Variants in PDZD2 observed in about 807,000 individuals in gnomAD.
The protein encoded by PDZD2 is PDZ domain-containing protein 2.
PDZD2 carries 90 observed loss-of-function variants against 220.7 expected under a neutral mutation model. The ratio of observed to expected loss-of-function variants is 0.41; its 90% CI spans 0.34 to 0.49. The LOEUF (loss-of-function observed/expected upper bound fraction) is 0.49. PDZD2 is among the 20% of genes least tolerant of loss of function. PDZD2 has a pLI of 0.28. For synonymous variants in PDZD2, 1,375 were observed against 1,450.5 expected (o/e 0.95, Z 1.18); for missense variants, 3,174 against 3,608.5 (o/e 0.88, Z 3.08).
rs201133380 is a variant in PDZD2 at position 32,064,250 on chromosome 5, TC to T, written c.2451+3117del. Reference sequence around the variant, plus strand: ...CCAACTCAATTCACTTTTTTTTTTTTCTCTTTTTTGAGACAAAGTCTCTCTC... The same window carrying T: ...CCAACTCAATTCACTTTTTTTTTTTTTCTTTTTTGAGACAAAGTCTCTCTC... On this transcript the variant is annotated intron_variant, in intron 14 of 24. Coordinates refer to ENST00000438447, the MANE Select transcript of PDZD2 (RefSeq NM_178140.4). Among the ~76,000 whole-genome samples the T allele has an allele frequency of 6.0e-4, 91 of 150,824 alleles. 1 individual carries two copies. The highest frequency in any genetic ancestry group is 3.5e-3 in the Middle Eastern group (1 of 288).
intron 1 of PDZD2, among the ~76,000 whole-genome samples, chr5:31,745,239 G>C (rs1465911318): frequency 6.6e-6 from 1 of 152,048 alleles, no homozygotes; most frequent in Admixed American, 6.6e-5. Context: ...AGAAAAAATA[G>C]ACTATGTGGA....
At chr5:31,993,975 C>T (rs1751433780) in intron 3 of PDZD2, among the ~76,000 whole-genome samples, 2 of 152,152 alleles carry the variant, frequency 1.3e-5, no homozygotes, top group South Asian at 4.2e-4. Flanking sequence ...AATCAGATGG[C>T]TTAGAGACAT....
chr5:31,774,007 G>C (rs938868748), intron 1 of PDZD2, among the ~76,000 whole-genome samples: 1 of 152,026 alleles, frequency 6.6e-6, no homozygotes, highest in African/African-American at 2.4e-5. Flanking sequence ...AGAGTCCCAG[G>C]GTGACCTGGG....
intron 2 of PDZD2, among the ~76,000 whole-genome samples, chr5:31,856,924 AT>A (rs1342775029): frequency 2.7e-5 from 4 of 150,456 alleles, no homozygotes; most frequent in Non-Finnish European, 5.9e-5. Flanking sequence ...ATATATATAT[AT>A]ATATATATAT....
chr5:31,786,868 C>T (rs1047540043), intron 1 of PDZD2, among the ~76,000 whole-genome samples: 3 of 152,104 alleles, frequency 2.0e-5, no homozygotes, highest in Admixed American at 6.5e-5. Flanking sequence ...TGAGTAGTTA[C>T]ATGCTAAGAA....
chr5:31,888,732 C>G (rs528931059), intron 2 of PDZD2, among the ~76,000 whole-genome samples: 1 of 152,184 alleles, frequency 6.6e-6, no homozygotes, highest in Non-Finnish European at 1.5e-5. Context: ...AACACTAAAT[C>G]ATTCCCTGAG....
rs116588651 is a variant in PDZD2 at position 31,938,908 on chromosome 5, G to A, written c.477-44247G>A. ...AACTTGTGTCGAAACTTCAGGCCTC[G>A]GTATGGAGCCATCTTGTGTAAGTAG... is the stretch of plus-strand genomic sequence containing the variant. On this transcript the variant is annotated intron_variant, in intron 2 of 24. Transcript: ENST00000438447. 1.5e-3 allele frequency among the ~76,000 whole-genome samples: 234 copies of A among 152,236 alleles called. 1 individual carries two copies. Among genetic ancestry groups the A allele is most frequent in the African/African-American group, 5.3e-3 (220 of 41,542 alleles).
At chr5:31,802,712 A>G (rs1754463988) in intron 2 of PDZD2, among the ~76,000 whole-genome samples, 1 of 152,072 alleles carries the variant, frequency 6.6e-6, no homozygotes, top group South Asian at 2.1e-4. Context: ...CAAGGTCAGG[A>G]GATCGGGACC....
intron 8 of PDZD2, among the ~76,000 whole-genome samples, chr5:32,050,530 A>G (rs1738434088): frequency 1.3e-5 from 2 of 152,008 alleles, no homozygotes. Flanking sequence ...TCCCTCCACT[A>G]TAAAGTATTA....
At chr5:32,045,273 A>C (rs1157121690) in intron 7 of PDZD2, among the ~76,000 whole-genome samples, 1 of 152,178 alleles carries the variant, frequency 6.6e-6, no homozygotes. Flanking sequence ...AAAATGGCTA[A>C]AGCAACATCA....
intron 13 of PDZD2, 40 bp downstream of exon 13, chr5:32,059,396 C>A (rs1367695493): frequency 3.9e-6 from 4 of 1,018,878 alleles, no homozygotes; most frequent in South Asian, 1.3e-5. Flanking sequence ...CTGGAGTGTT[C>A]ATAAATATGA....
chr5:32,060,966 G>A (rs72761539), intron 13 of PDZD2, 36 bp from the exon 14 acceptor site: 39,459 of 1,611,844 alleles, frequency 0.024, 851 homozygotes, highest in South Asian at 0.085. Flanking sequence ...GAAGCTGGCT[G>A]CTAACACAGA....
In PDZD2 at chr5:31,958,116, G is replaced by T. The variant is rs568852334; in HGVS notation, c.477-25039G>T. Among the ~76,000 whole-genome samples, 4 of 151,660 alleles carry T rather than the reference G, an allele frequency of 2.6e-5. No individual in the cohort carries two copies. The South Asian group carries it at 8.3e-4, about 32-fold the overall frequency. Reference sequence around the variant, plus strand: ...TAATTTTTCTTAGAATTTTAAAAATGTACACATTTAATATGTTTAAGTGAT... The same window carrying T: ...TAATTTTTCTTAGAATTTTAAAAATTTACACATTTAATATGTTTAAGTGAT... On this transcript the variant is annotated intron_variant, in intron 2 of 24. Coordinates refer to ENST00000438447, the MANE Select transcript of PDZD2 (RefSeq NM_178140.4).
chr5:32,047,775 C>T (rs922343674), intron 7 of PDZD2, among the ~76,000 whole-genome samples: 7 of 152,256 alleles, frequency 4.6e-5, no homozygotes, highest in South Asian at 2.1e-4. Context: ...GTTTAGACAA[C>T]GGAATAGCCT....
At chr5:31,933,402 G>A (rs1157654843) in intron 2 of PDZD2, among the ~76,000 whole-genome samples, 1 of 152,180 alleles carries the variant, frequency 6.6e-6, no homozygotes. Flanking sequence ...TATCGAGGGT[G>A]TGAATATCCA....
At chr5:32,005,112 C>G (rs1268503044) in intron 5 of PDZD2, among the ~76,000 whole-genome samples, 1 of 152,226 alleles carries the variant, frequency 6.6e-6, no homozygotes, top group Non-Finnish European at 1.5e-5. Flanking sequence ...ACATGTTTCT[C>G]TTCTTTATCC....
intron 4 of PDZD2, among the ~76,000 whole-genome samples, chr5:31,998,852 A>T (rs971134031): frequency 2.2e-4 from 33 of 152,258 alleles, no homozygotes; most frequent in African/African-American, 7.5e-4. Flanking sequence ...AGCTTGGTCT[A>T]GAGGATGCGG....
chr5:32,088,878 AG>A lies in PDZD2; in HGVS notation c.5432del (p.Gly1811AlafsTer4). ...WFKEINKHNQ[G>X]THLRSKTEKE... ...TTAAAGAAATAAATAAACATAACCAAGGCACACATTTGAGGAGCAAAACCGA... is the reference window on the plus strand; with the variant it reads ...TTAAAGAAATAAATAAACATAACCAAGCACACATTTGAGGAGCAAAACCGA... On this transcript the variant is annotated frameshift_variant, in exon 20 of 25. Transcript: ENST00000438447. LOFTEE classifies it high-confidence loss of function. This position sits in a 1 kb window ranked among gnomAD's most constrained non-coding sequence, Gnocchi z 4.6. 1 of 1,614,064 alleles carries A rather than the reference AG, an allele frequency of 6.2e-7. No homozygotes were observed. The highest frequency in any genetic ancestry group is 1.1e-5 in the South Asian group (1 of 91,074).
rs113054281 is a variant in PDZD2, at chr5:31,649,794, C to G, written c.-361+10357C>G. On this transcript the variant is annotated intron_variant, in intron 1 of 24. Transcript: ENST00000438447. ...CTCTACTAAAAATATAAAAATTAGCCAGGCATGGTGGCGCGCGCCTATAGT... is the reference window on the plus strand; with the variant it reads ...CTCTACTAAAAATATAAAAATTAGCGAGGCATGGTGGCGCGCGCCTATAGT... 9.4e-3 allele frequency among the ~76,000 whole-genome samples: 1,428 copies of G among 151,850 alleles called. 11 individuals carry two copies. Among genetic ancestry groups the G allele is most frequent in the Middle Eastern group, 0.054 (16 of 294 alleles).
Sources: gnomAD v4.1 joint callset for allele counts (sites outside exome capture counted in the v4.1 genomes callset) on GRCh38, gnomAD v4.1.1 for gene constraint, Gnocchi (gnomAD v3.1) non-coding constraint, MANE v1.5 for transcripts, NCBI Gene and HGNC (gene_info 2026-07-23, HGNC 2026-07-21) for gene names.